MRPS25: variants seen among roughly 807,000 people sequenced by gnomAD.
MRPS25 encodes the protein small ribosomal subunit protein mS25.
A neutral mutation model predicts 17.3 loss-of-function variants in MRPS25; 15 were observed. That is an observed-to-expected ratio of 0.87 (90% CI 0.58 to 1.34). The LOEUF (loss-of-function observed/expected upper bound fraction) is 1.34. MRPS25 is among the 40% of genes most tolerant of loss of function. The pLI is 0.00. For missense variants in MRPS25, 225 were observed against 218.6 expected (o/e 1.03, Z -0.19); for synonymous variants, 94 against 83.3 (o/e 1.13, Z -0.70).
At chr3:15,060,515 C>CAAAAAAAAAAAA (rs35071871) in intron 1 of MRPS25, among the ~76,000 whole-genome samples, 1 of 81,110 alleles carries the variant, frequency 1.2e-5, no homozygotes, top group African/African-American at 5.3e-5. Context: ...GGTCCTCTCT[C>CAAAAAAAAAAAA]AAAAAAAAAA....
rs2042592310 is a variant in MRPS25, at chr3:15,050,805, G to A, written c.*1636C>T. On this transcript the variant is annotated 3_prime_UTR_variant, in exon 4 of 4. Coordinates refer to ENST00000253686, the MANE Select transcript of MRPS25 (RefSeq NM_022497.5). ...CCGACAAGCCATCACCCCAAACCCA[G>A]ATCTGGTACAGAATCAAACTTGAGC... 1 of 984,908 alleles carries A rather than the reference G, an allele frequency of 1.0e-6. No individual in the cohort carries two copies. The highest frequency in any genetic ancestry group is 1.2e-6 in the Non-Finnish European group (1 of 829,864). 61.0% of individuals were successfully genotyped at this position (984,908 alleles called of 1,614,324 possible). A position where few individuals can be genotyped will look rare whatever the true frequency, so the allele number is the denominator to read the frequency against.
In MRPS25 at chr3:15,051,871, CATG is replaced by C; in HGVS notation, c.*567_*569del. 1.0e-6 allele frequency: 1 copy of C among 985,392 alleles called. No homozygotes were observed. The highest frequency in any genetic ancestry group is 1.2e-6 in the Non-Finnish European group (1 of 829,958). 61.0% of individuals were successfully genotyped at this position (985,392 alleles called of 1,614,324 possible). A position where few individuals can be genotyped will look rare whatever the true frequency, so the allele number is the denominator to read the frequency against. On this transcript the variant is annotated 3_prime_UTR_variant, in exon 4 of 4. Coordinates refer to ENST00000253686, the MANE Select transcript of MRPS25 (RefSeq NM_022497.5). The stretch of plus-strand genomic sequence containing the variant: ...CACTGGGGCTCCTCCATCTCTGGCC[CATG>C]GCTAGGCCCCCCAGCAGGCAAGGGT...
intron 1 of MRPS25, among the ~76,000 whole-genome samples, chr3:15,063,867 C>T (rs754157343): frequency 6.6e-6 from 1 of 151,918 alleles, no homozygotes; most frequent in Non-Finnish European, 1.5e-5. Context: ...GGCAGTTGCC[C>T]GGGGACAAAG....
chr3:15,042,527 G>T, downstream of MRPS25: 1 of 253,678 alleles, frequency 3.9e-6, no homozygotes, highest in Non-Finnish European at 7.5e-6. Context: ...ATCATATGAA[G>T]ACTCCTACTT....
chr3:15,058,876 C>CTT (rs939528400), intron 2 of MRPS25, among the ~76,000 whole-genome samples: 10 of 152,112 alleles, frequency 6.6e-5, no homozygotes, highest in Admixed American at 6.5e-5. Flanking sequence ...CTGGTCCAAA[C>CTT]ATGAACAGCA....
At chr3:15,059,177 G>A (rs1256329572) in intron 2 of MRPS25, among the ~76,000 whole-genome samples, 192 bp downstream of exon 2, 1 of 152,122 alleles carries the variant, frequency 6.6e-6, no homozygotes, top group Non-Finnish European at 1.5e-5. Flanking sequence ...AAGAGGTGAG[G>A]CTGGAGAGGG....
At position 15,050,600 on chromosome 3, in the gene MRPS25, A is replaced by G; in HGVS notation, c.*1841T>C. 2 of 985,402 alleles carry G rather than the reference A, an allele frequency of 2.0e-6. No individual in the cohort carries two copies. The highest frequency in any genetic ancestry group is 2.4e-6 in the Non-Finnish European group (2 of 829,938). 61.0% of individuals were successfully genotyped at this position (985,402 alleles called of 1,614,324 possible). A position where few individuals can be genotyped will look rare whatever the true frequency, so the allele number is the denominator to read the frequency against. The stretch of plus-strand genomic sequence containing the variant: ...AAGACTTCAGTCAGTTGGGTGGGGA[A>G]CTGAAACCAGCAGACATGGGAGGGC... On this transcript the variant is annotated 3_prime_UTR_variant, in exon 4 of 4. Transcript: ENST00000253686.
In MRPS25 at chr3:15,048,832, GA is replaced by G. The variant is rs1399925818; in HGVS notation, c.*3608del. 3.3e-5 allele frequency: 5 copies of G among 152,628 alleles called. No homozygotes were observed. The highest frequency in any genetic ancestry group is 7.3e-5 in the Non-Finnish European group (5 of 68,034). The allele number at this position is 152,628 out of a possible 1,614,324, so 9.5% of individuals were successfully genotyped here. ...ACCTGTAGTTTGGACTTCTCTGTTA[GA>G]ATGTAACTGCATTACCAGCCCTTTT... On this transcript the variant is annotated 3_prime_UTR_variant, in exon 4 of 4. Transcript: ENST00000253686.
At position 15,049,180 on chromosome 3, in the gene MRPS25, TTTATTAAA is replaced by T. The variant is rs2125129108; in HGVS notation, c.*3253_*3260del. ...CAGTGCATGAATTAGCTTTATGCAT[TTTATTAAA>T]TGCTGTTTCAATGTGGCATTATTGT... is the stretch of plus-strand genomic sequence containing the variant. On this transcript the variant is annotated 3_prime_UTR_variant, in exon 4 of 4. Transcript: ENST00000253686. 6.5e-6 allele frequency: 1 copy of T among 152,810 alleles called. No homozygotes were observed. Among genetic ancestry groups the T allele is most frequent in the East Asian group, 1.9e-4 (1 of 5,194 alleles). 9.5% of individuals were successfully genotyped at this position (152,810 alleles called of 1,614,324 possible).
At chr3:15,062,830 C>A (rs36093951) in intron 1 of MRPS25, among the ~76,000 whole-genome samples, 22,266 of 151,952 alleles carry the variant, frequency 0.15, 1,934 homozygotes, top group Middle Eastern at 0.22. Context: ...GGATTAAGGG[C>A]GGTACAAGAT....
At position 15,052,480 on chromosome 3, in the gene MRPS25, C is replaced by T; in HGVS notation, c.483G>A (p.Gly161=). 6.2e-7 allele frequency: 1 copy of T among 1,614,150 alleles called. No homozygotes were observed. Among genetic ancestry groups the T allele is most frequent in the Non-Finnish European group, 8.5e-7 (1 of 1,179,988 alleles). Residue 161 remains glycine (G), a synonymous_variant, in exon 4 of 4, where the codon GGG becomes GGA. Transcript: ENST00000253686. ...CGGCTTTCAGAGCGGCTTTGTACTTCCCCCTCATCTCCTTGGGTAATGGCA... is the reference window on the plus strand; with the variant it reads ...CGGCTTTCAGAGCGGCTTTGTACTTTCCCCTCATCTCCTTGGGTAATGGCA... ...SLVPLPKEMR[G]KYKAALKADA... is the part of the protein sequence containing the mutation.
chr3:15,055,671 A>T (rs947066121), intron 2 of MRPS25, among the ~76,000 whole-genome samples: 4 of 152,218 alleles, frequency 2.6e-5, no homozygotes, highest in African/African-American at 9.6e-5. Context: ...AAATAAGTGA[A>T]TTTAGGATAG....
In MRPS25 at chr3:15,050,307, T is replaced by TCAAG; in HGVS notation, c.*2130_*2133dup. ...CACCTCACTGCCCATTGCTCCTGTGTCAAGCCTGAACTCAAACCCTAGTTA... is the reference window on the plus strand; with the variant it reads ...CACCTCACTGCCCATTGCTCCTGTGTCAAGCAAGCCTGAACTCAAACCCTAGTTA... On this transcript the variant is annotated 3_prime_UTR_variant, in exon 4 of 4. Transcript: ENST00000253686. 9.2e-7 allele frequency: 1 copy of TCAAG among 1,087,302 alleles called. No homozygotes were observed. Among genetic ancestry groups the TCAAG allele is most frequent in the Non-Finnish European group, 1.1e-6 (1 of 895,564 alleles). 67.4% of individuals were successfully genotyped at this position (1,087,302 alleles called of 1,614,324 possible).
chr3:15,063,740 A>T (rs1358691497), intron 1 of MRPS25, among the ~76,000 whole-genome samples: 1 of 152,164 alleles, frequency 6.6e-6, no homozygotes, highest in African/African-American at 2.4e-5. Flanking sequence ...TTGACAAATG[A>T]GAAATTCTCC....
In MRPS25 at chr3:15,049,752, A is replaced by G. The variant is rs1044755341; in HGVS notation, c.*2689T>C. The G allele has an allele frequency of 6.4e-6, 4 of 629,088 alleles. No homozygotes were observed. Among genetic ancestry groups the G allele is most frequent in the East Asian group, 3.0e-5 (1 of 32,948 alleles). The allele number at this position is 629,088 out of a possible 1,614,324, so 39.0% of individuals were successfully genotyped here. The stretch of plus-strand genomic sequence containing the variant: ...AATTCTGAGGTCCAAAGTCTGATGC[A>G]TGACAGAACTCACTGGCAGGCAGAT... On this transcript the variant is annotated 3_prime_UTR_variant, in exon 4 of 4. Transcript: ENST00000253686.
At chr3:15,061,959 G>C (rs1441954376) in intron 1 of MRPS25, among the ~76,000 whole-genome samples, 2 of 149,768 alleles carry the variant, frequency 1.3e-5, no homozygotes, top group African/African-American at 4.9e-5. Flanking sequence ...CGTCTGAGAA[G>C]TGAGGAGCCC....
chr3:15,065,233 G>C lies in MRPS25; in HGVS notation c.-39C>G, dbSNP rs2042838437. On this transcript the variant is annotated 5_prime_UTR_variant, in exon 1 of 4. Transcript: ENST00000253686. The stretch of plus-strand genomic sequence containing the variant: ...GCGGGGCCGACCCCACGGGCCGCGA[G>C]CCGAGCAGCGACGAGAAAGGACTAG... The C allele has an allele frequency of 1.3e-6, 2 of 1,553,836 alleles. No homozygotes were observed. The highest frequency in any genetic ancestry group is 2.7e-5 in the African/African-American group (2 of 73,672).
Position 15,051,028 on chromosome 3 carries a change from G to C in MRPS25, c.*1413C>G, listed in dbSNP as rs1353717690. On this transcript the variant is annotated 3_prime_UTR_variant, in exon 4 of 4. Coordinates refer to ENST00000253686, the MANE Select transcript of MRPS25 (RefSeq NM_022497.5). ...GACTTGACCAAGGCCCCAGCAGGTAGAGGAATGAAAACTTCAGTCCTGCTC... is the reference window on the plus strand; with the variant it reads ...GACTTGACCAAGGCCCCAGCAGGTACAGGAATGAAAACTTCAGTCCTGCTC... The C allele has an allele frequency of 2.0e-6, 2 of 982,044 alleles. No individual in the cohort carries two copies. The highest frequency in any genetic ancestry group is 1.8e-5 in the African/African-American group (1 of 57,142). 60.8% of individuals were successfully genotyped at this position (982,044 alleles called of 1,614,324 possible).
downstream of MRPS25, chr3:15,045,152 C>G (rs747831122): frequency 6.6e-6 from 1 of 152,194 alleles, no homozygotes; most frequent in East Asian, 1.9e-4. Context: ...AGCAGGCATC[C>G]TGCAGCTCAG....
Sources: allele counts gnomAD v4.1 joint callset (sites outside exome capture counted in the v4.1 genomes callset), GRCh38; gene constraint gnomAD v4.1.1; transcripts MANE v1.5; gene names NCBI Gene and HGNC (gene_info 2026-07-23, HGNC 2026-07-21).